SEZ6L: variants seen among roughly 807,000 people sequenced by gnomAD.
SEZ6L encodes the protein seizure related 6 homolog like, also known as seizure 6-like protein.
In SEZ6L, 37 loss-of-function variants were observed where a neutral mutation model predicts 106.2. The ratio of observed to expected loss-of-function variants is 0.35; its 90% CI spans 0.27 to 0.46. The LOEUF (loss-of-function observed/expected upper bound fraction) is 0.46, where lower values mean the gene tolerates loss of function less well. SEZ6L is among the 20% of genes least tolerant of loss of function. SEZ6L has a pLI of 1.00. For synonymous variants in SEZ6L, 541 were observed against 570.4 expected, an observed-to-expected ratio of 0.95 and a Z score of 0.73; for missense variants, 1,172 against 1,332.8, an observed-to-expected ratio of 0.88 and a Z score of 1.88.
intron 1 of SEZ6L, among the ~76,000 whole-genome samples, chr22:26,181,214 C>T (rs1012455425): frequency 6.6e-6 from 1 of 152,154 alleles, no homozygotes; most frequent in African/African-American, 2.4e-5. Context: ...ACCTATGCTG[C>T]CATATGTGGC....
chr22:26,326,204 A>G (rs1275701261), intron 9 of SEZ6L, among the ~76,000 whole-genome samples: 1 of 151,984 alleles, frequency 6.6e-6, no homozygotes, highest in African/African-American at 2.4e-5. Context: ...TTGGGAGGGG[A>G]CCTGCTGTCT....
At chr22:26,280,575 C>T (rs540378357) in intron 1 of SEZ6L, among the ~76,000 whole-genome samples, 12 of 152,204 alleles carry the variant, frequency 7.9e-5, no homozygotes, top group African/African-American at 2.9e-4. Context: ...GACTAAGCAG[C>T]CAATTTGTCT....
chr22:26,262,333 A>T (rs2144350), intron 1 of SEZ6L, among the ~76,000 whole-genome samples: 37,287 of 151,618 alleles, frequency 0.25, 5,238 homozygotes, highest in East Asian at 0.32. Context: ...AAGAACATAT[A>T]TGGCAGGTGT....
intron 1 of SEZ6L, among the ~76,000 whole-genome samples, chr22:26,210,611 G>A (rs539112994): frequency 3.9e-4 from 60 of 152,092 alleles, no homozygotes; most frequent in South Asian, 2.3e-3. Context: ...GTGAGTGCGC[G>A]GACATTCATA....
At chr22:26,301,214 T>A (rs2081443533) in intron 5 of SEZ6L, among the ~76,000 whole-genome samples, 1 of 152,204 alleles carries the variant, frequency 6.6e-6, no homozygotes, top group Non-Finnish European at 1.5e-5. Flanking sequence ...TGCCCTCTAG[T>A]AAAAAGAAGT....
At chr22:26,330,778 C>G (rs1281257632) in intron 9 of SEZ6L, among the ~76,000 whole-genome samples, 1 of 152,118 alleles carries the variant, frequency 6.6e-6, no homozygotes, top group Non-Finnish European at 1.5e-5. Flanking sequence ...ATTGGCTTGC[C>G]TTTTTCACTT....
Position 26,267,939 on chromosome 22 carries a change from T to C in SEZ6L, c.95-24467T>C, listed in dbSNP as rs375639560. Among the ~76,000 whole-genome samples, 136 of 152,274 alleles carry C rather than the reference T, an allele frequency of 8.9e-4. 2 individuals carry two copies. In the South Asian group the frequency reaches 0.024, roughly 27 times the overall value. On this transcript the variant is annotated intron_variant, in intron 1 of 16. Coordinates refer to ENST00000248933, the MANE Select transcript of SEZ6L (RefSeq NM_021115.5). ...AGGAAGTCTGGCTGCATCTGGACCA[T>C]TGGCATCAAAGACAGGTTTCTACTC...
In SEZ6L at chr22:26,169,546, C is replaced by A. The variant is rs1569349047; in HGVS notation, c.-124C>A. On this transcript the variant is annotated 5_prime_UTR_variant, in exon 1 of 17. Transcript: ENST00000248933. ...CCGCCCAGGGGGCTCCGGAAGCTGC[C>A]CCGGCCCGCGGCCTCCTCCCTCGCT... 5.0e-6 allele frequency: 2 copies of A among 401,890 alleles called. No homozygotes were observed. Among genetic ancestry groups the A allele is most frequent in the Non-Finnish European group, 4.4e-6 (1 of 229,108 alleles). 24.9% of individuals were successfully genotyped at this position (401,890 alleles called of 1,614,324 possible). A position where few individuals can be genotyped will look rare whatever the true frequency, so the allele number is the denominator to read the frequency against.
At chr22:26,269,204 G>A (rs1418572298) in intron 1 of SEZ6L, among the ~76,000 whole-genome samples, 5 of 152,202 alleles carry the variant, frequency 3.3e-5, no homozygotes, top group Non-Finnish European at 5.9e-5. Flanking sequence ...TAATAGGCTT[G>A]TGACTCACCT....
intron 5 of SEZ6L, 43 bp from the exon 6 acceptor site, chr22:26,305,936 T>A: frequency 6.7e-7 from 1 of 1,490,072 alleles, no homozygotes; most frequent in Non-Finnish European, 9.3e-7. Flanking sequence ...TCTCTCTCCC[T>A]CTCTGCTCTC....
At chr22:26,279,056 TC>T (rs1005196522) in intron 1 of SEZ6L, among the ~76,000 whole-genome samples, 13 of 148,364 alleles carry the variant, frequency 8.8e-5, no homozygotes, top group East Asian at 3.9e-4. Context: ...TCATCCAACT[TC>T]CCCCCCAACC....
At chr22:26,294,675 C>T (rs1355301779) in intron 3 of SEZ6L, among the ~76,000 whole-genome samples, 3 of 151,858 alleles carry the variant, frequency 2.0e-5, no homozygotes, top group Non-Finnish European at 4.4e-5. Flanking sequence ...TCCCTTGATA[C>T]TCTGCTTATC....
chr22:26,380,256 T>A lies in SEZ6L; in HGVS notation c.3046-10T>A. 6.2e-7 allele frequency: 1 copy of A among 1,613,516 alleles called. No homozygotes were observed. The highest frequency in any genetic ancestry group is 8.5e-7 in the Non-Finnish European group (1 of 1,179,548). ...AGCGTTTGACAAATCCGTGCTTCTC[T>A]CTCTTGCAGGAAACCAGAGAGTATG... is the stretch of plus-strand genomic sequence containing the variant. On this transcript the variant is annotated splice_polypyrimidine_tract_variant and intron_variant, in intron 16 of 16. Coordinates refer to ENST00000248933, the MANE Select transcript of SEZ6L (RefSeq NM_021115.5).
intron 1 of SEZ6L, among the ~76,000 whole-genome samples, chr22:26,268,289 G>C (rs774323179): frequency 4.1e-4 from 63 of 152,188 alleles, no homozygotes; most frequent in Non-Finnish European, 6.9e-4. Flanking sequence ...GGTATGAACA[G>C]AAAAGTAGAT....
chr22:26,242,700 G>C (rs576372728), intron 1 of SEZ6L: 1 of 152,290 alleles, frequency 6.6e-6, no homozygotes, highest in African/African-American at 2.4e-5. Flanking sequence ...ACATAGCACT[G>C]TACACATAGT....
chr22:26,190,864 G>A lies in SEZ6L; in HGVS notation c.94+21101G>A, dbSNP rs112300144. ...AATCAATATCTGAAAGACTCATAAA[G>A]GAACTGAGTGTGTGCTAATAATAAA... On this transcript the variant is annotated intron_variant, in intron 1 of 16. Transcript: ENST00000248933. 5.4e-3 allele frequency among the ~76,000 whole-genome samples: 829 copies of A among 152,262 alleles called. 8 individuals are homozygous for A. Among genetic ancestry groups the A allele is most frequent in the Middle Eastern group, 0.014 (4 of 294 alleles).
At chr22:26,186,902 T>C (rs1939820616) in intron 1 of SEZ6L, among the ~76,000 whole-genome samples, 1 of 152,076 alleles carries the variant, frequency 6.6e-6, no homozygotes, top group African/African-American at 2.4e-5. Flanking sequence ...ATTTTTGGGT[T>C]GGATAATGCT....
chr22:26,278,392 T>G (rs1259567544), intron 1 of SEZ6L, among the ~76,000 whole-genome samples: 1 of 152,176 alleles, frequency 6.6e-6, no homozygotes, highest in African/African-American at 2.4e-5. Context: ...ATTACCAAAA[T>G]AGTAAACATG....
intron 2 of SEZ6L, among the ~76,000 whole-genome samples, chr22:26,294,058 C>A (rs1308804277): frequency 6.6e-6 from 1 of 152,140 alleles, no homozygotes; most frequent in East Asian, 1.9e-4. Flanking sequence ...AGTGGGGTCA[C>A]CCCTGTTGAC....
Sources: allele counts gnomAD v4.1 joint callset (sites outside exome capture counted in the v4.1 genomes callset), GRCh38; gene constraint gnomAD v4.1.1; transcripts MANE v1.5; gene names NCBI Gene and HGNC (gene_info 2026-07-23, HGNC 2026-07-21).